HMCN2: variants seen among roughly 807,000 people sequenced by gnomAD.
HMCN2 encodes hemicentin 2.
HMCN2 carries 325 observed loss-of-function variants against 377.5 expected under a neutral mutation model. The ratio of observed to expected loss-of-function variants is 0.86; its 90% CI spans 0.79 to 0.94. The LOEUF (loss-of-function observed/expected upper bound fraction) is 0.94, where lower values mean the gene tolerates loss of function less well. Among genes scored for constraint, HMCN2 ranks in the 40% least tolerant of loss-of-function variants. The pLI, the probability that HMCN2 is intolerant of heterozygous loss-of-function variation, is 0.00. For missense variants in HMCN2, 4,543 were observed against 4,725.3 expected, an observed-to-expected ratio of 0.96 and a Z score of 1.13; for synonymous variants, 2,007 against 2,046.8, an observed-to-expected ratio of 0.98 and a Z score of 0.53.
At position 130,425,665 on chromosome 9, in the gene HMCN2, TCC is replaced by T. The variant is rs1285355440; in HGVS notation, c.13642-19_13642-18del. The T allele has an allele frequency of 3.2e-6, 1 of 315,688 alleles. No individual in the cohort carries two copies. The highest frequency in any genetic ancestry group is 4.5e-5 in the African/African-American group (1 of 22,144). The allele number at this position is 315,688 out of a possible 1,614,324, so 19.6% of individuals were successfully genotyped here. A position where few individuals can be genotyped will look rare whatever the true frequency, so the allele number is the denominator to read the frequency against. On this transcript the variant is annotated intron_variant, in intron 89 of 97. Transcript: ENST00000683500. ...CCCTCTCCCCCACCCCTCCTCCTCC[TCC>T]CCTCCTCTTCATCCTGCAGGACTTT...
intron 82 of HMCN2, chr9:130,406,468 A>C: frequency 3.4e-6 from 1 of 292,624 alleles, no homozygotes; most frequent in Non-Finnish European, 6.8e-6. Context: ...CCATTGTGGG[A>C]CCCTCAGCAA....
intron 5 of HMCN2, 131 bp from the exon 6 acceptor site, chr9:130,295,535 C>A (rs1836080530): frequency 2.9e-6 from 1 of 345,074 alleles, no homozygotes; most frequent in Non-Finnish European, 5.8e-6. Context: ...CCGAGGACCA[C>A]CAAGACCCCT....
intron 43 of HMCN2, among the ~76,000 whole-genome samples, chr9:130,367,668 G>T (rs189814158): frequency 6.6e-6 from 1 of 151,972 alleles, no homozygotes; most frequent in Non-Finnish European, 1.5e-5. Context: ...GAGGCTGGTC[G>T]CGGTGGCTCA....
intron 4 of HMCN2, among the ~76,000 whole-genome samples, 193 bp downstream of exon 4, chr9:130,286,503 T>C (rs1474211562): frequency 6.6e-6 from 1 of 152,192 alleles, no homozygotes; most frequent in Non-Finnish European, 1.5e-5. Flanking sequence ...TGCCACCACA[T>C]CATCTTATCT....
chr9:130,370,461 G>A (rs1209130950), intron 45 of HMCN2, among the ~76,000 whole-genome samples: 1 of 152,194 alleles, frequency 6.6e-6, no homozygotes, highest in Admixed American at 6.5e-5. Flanking sequence ...AGTTTAGGGA[G>A]GGCGCCCCTC....
Position 130,372,412 on chromosome 9 carries a change from G to A in HMCN2, c.7351+5G>A, listed in dbSNP as rs760200489. 173 of 976,618 alleles carry A rather than the reference G, an allele frequency of 1.8e-4. No homozygotes were observed. The highest frequency in any genetic ancestry group is 2.0e-4 in the Non-Finnish European group (164 of 821,606). The allele number at this position is 976,618 out of a possible 1,614,324, so 60.5% of individuals were successfully genotyped here. On this transcript the variant is annotated splice_donor_5th_base_variant and intron_variant, in intron 47 of 97. Transcript: ENST00000683500. Reference sequence around the variant, plus strand: ...ACTTCAGTGTGGAGGTGCTGGGTGCGTTACAACCCCATTCTCATGGGTGCC... The same window carrying A: ...ACTTCAGTGTGGAGGTGCTGGGTGCATTACAACCCCATTCTCATGGGTGCC...
chr9:130,386,574 A>C (rs138367364), intron 61 of HMCN2, 50 bp downstream of exon 61: 8 of 1,206,730 alleles, frequency 6.6e-6, no homozygotes, highest in African/African-American at 1.6e-5. Flanking sequence ...CCCTAGCAAC[A>C]CCCAGGGCTG....
intron 1 of HMCN2, among the ~76,000 whole-genome samples, chr9:130,275,553 G>A (rs145815376): frequency 2.3e-3 from 353 of 152,262 alleles, no homozygotes; most frequent in Admixed American, 9.7e-3. Flanking sequence ...GGGTTCAAGC[G>A]ATTCTCCTGC....
intron 29 of HMCN2, among the ~76,000 whole-genome samples, chr9:130,349,991 G>C (rs1022584868): frequency 7.6e-6 from 1 of 131,936 alleles, no homozygotes; most frequent in Non-Finnish European, 1.6e-5. Flanking sequence ...TCAAACTCCT[G>C]GGCTTCTTGG....
chr9:130,360,360 A>ACTTCTCTCTTCCATTCCCCCTTG lies in HMCN2; in HGVS notation c.5774-55_5774-33dup. On this transcript the variant is annotated intron_variant, in intron 37 of 97. Transcript: ENST00000683500. The surrounding 1 kb of genome is among the most constrained non-coding windows in gnomAD (Gnocchi z 4.7). ...TTGCATCTCTCTTCCTTTCCCCCTT[A>ACTTCTCTCTTCCATTCCCCCTTG]CTTCTCTCTTCCATTCCCCCTTGCT... 1.5e-6 allele frequency: 1 copy of ACTTCTCTCTTCCATTCCCCCTTG among 684,920 alleles called. No homozygotes were observed. The allele number at this position is 684,920 out of a possible 1,614,324, so 42.4% of individuals were successfully genotyped here. A position where few individuals can be genotyped will look rare whatever the true frequency, so the allele number is the denominator to read the frequency against.
In HMCN2 at chr9:130,399,596, G is replaced by T; in HGVS notation, c.11569G>T (p.Gly3857Cys). Residue 3857 changes from glycine to cysteine, a missense_variant, in exon 76 of 98, where the codon GGC (glycine) becomes TGC (cysteine). By Grantham distance (159) the Gly-to-Cys change is radical (BLOSUM62 -3). Transcript: ENST00000683500. Reference protein sequence around the residue: ...QFECVVSNEVGEAHRLYQVTV... With the variant: ...QFECVVSNEVCEAHRLYQVTV... ...TGAATGCGTGGTGAGCAATGAGGTG[G>T]GCGAGGCCCACAGGCTCTACCAGGT... is the stretch of plus-strand genomic sequence containing the variant. 1 of 1,289,730 alleles carries T rather than the reference G, an allele frequency of 7.8e-7. No individual in the cohort carries two copies. The highest frequency in any genetic ancestry group is 1.0e-6 in the Non-Finnish European group (1 of 988,792). 79.9% of individuals were successfully genotyped at this position (1,289,730 alleles called of 1,614,324 possible).
chr9:130,426,679 C>T (rs1844391952), intron 90 of HMCN2, among the ~76,000 whole-genome samples: 1 of 152,184 alleles, frequency 6.6e-6, no homozygotes, highest in East Asian at 1.9e-4. Context: ...GGCCCACAGG[C>T]CGCATGCCAC....
At chr9:130,374,982 G>A (rs1356791543) in intron 49 of HMCN2, among the ~76,000 whole-genome samples, 1 of 152,172 alleles carries the variant, frequency 6.6e-6, no homozygotes, top group East Asian at 1.9e-4. Flanking sequence ...AAGAGTTATT[G>A]CCAGGCCCCA....
Position 130,376,708 on chromosome 9 carries a change from G to A in HMCN2, c.8061+50G>A, listed in dbSNP as rs539314334. 6.2e-5 allele frequency: 61 copies of A among 981,670 alleles called. 1 individual carries two copies. In the African/African-American group the frequency reaches 1.0e-3, roughly 16 times the overall value. 60.8% of individuals were successfully genotyped at this position (981,670 alleles called of 1,614,324 possible). ...CTTCTGGCTCTCACCTCTGCTTCCGGCTGGTTCTGCTTGGAACCTTCCAGA... is the reference window on the plus strand; with the variant it reads ...CTTCTGGCTCTCACCTCTGCTTCCGACTGGTTCTGCTTGGAACCTTCCAGA... On this transcript the variant is annotated intron_variant, in intron 52 of 97. Transcript: ENST00000683500.
rs550849714 is a variant in HMCN2 at position 130,429,764 on chromosome 9, G to A, written c.14326+79G>A. ...CGGATGCAGGGCCCCAGCCTGCCCT[G>A]CCTAGTTACGGGGACACCCACCCTC... On this transcript the variant is annotated intron_variant, in intron 94 of 97. Coordinates refer to ENST00000683500, the MANE Select transcript of HMCN2 (RefSeq NM_001291815.2). The A allele has an allele frequency of 6.2e-6, 8 of 1,297,824 alleles. No homozygotes were observed. The Admixed American group carries it at 2.4e-4, about 39-fold the overall frequency. 80.4% of individuals were successfully genotyped at this position (1,297,824 alleles called of 1,614,324 possible).
chr9:130,275,071 C>T (rs923348757), intron 1 of HMCN2, among the ~76,000 whole-genome samples: 12 of 152,224 alleles, frequency 7.9e-5, no homozygotes, highest in Non-Finnish European at 1.5e-4. Context: ...CCTGGACCCA[C>T]GGAAGATGAG....
At chr9:130,383,332 G>A (rs1000234089) in intron 56 of HMCN2, among the ~76,000 whole-genome samples, 172 bp from the exon 57 acceptor site, 5 of 152,206 alleles carry the variant, frequency 3.3e-5, no homozygotes, top group Middle Eastern at 3.4e-3. Context: ...TCACACGCCC[G>A]CTCCTGAGCG....
chr9:130,353,839 G>A (rs535214775), intron 31 of HMCN2, among the ~76,000 whole-genome samples: 367 of 152,286 alleles, frequency 2.4e-3, no homozygotes, highest in African/African-American at 8.6e-3. Context: ...GGCTCTGGAT[G>A]GGTCTGAGCA....
chr9:130,417,154 C>T (rs1320424350), intron 85 of HMCN2, among the ~76,000 whole-genome samples: 1 of 151,744 alleles, frequency 6.6e-6, no homozygotes, highest in African/African-American at 2.4e-5. Flanking sequence ...TTCAAGCAAT[C>T]CACCCACCTC....
Sources: gnomAD v4.1 joint callset for allele counts (sites outside exome capture counted in the v4.1 genomes callset) on GRCh38, gnomAD v4.1.1 for gene constraint, Gnocchi (gnomAD v3.1) non-coding constraint, MANE v1.5 for transcripts, NCBI Gene and HGNC (gene_info 2026-07-23, HGNC 2026-07-21) for gene names.